NPAS3: variants seen among roughly 807,000 people sequenced by gnomAD.
The protein encoded by NPAS3 is neuronal PAS domain-containing protein 3.
Under a neutral mutation model 73.1 loss-of-function variants are expected in NPAS3, and 14 were observed. The observed-to-expected ratio is 0.19, with a 90% CI of 0.13 to 0.30. NPAS3 has a LOEUF of 0.30. Ranked by LOEUF, NPAS3 falls within the 10% of genes least tolerant of loss-of-function variation. The probability of loss-of-function intolerance (pLI) is 1.00; values close to 1 mark genes in which losing one functional copy is unlikely to be tolerated. For missense variants in NPAS3, 1,096 were observed against 1,250.0 expected (o/e 0.88, Z 1.86); for synonymous variants, 620 against 541.5 (o/e 1.14, Z -2.01).
intron 5 of NPAS3, among the ~76,000 whole-genome samples, chr14:33,642,325 T>C (rs530615587): frequency 9.8e-5 from 15 of 152,306 alleles, no homozygotes; most frequent in African/African-American, 3.1e-4. Context: ...AGTTTATTGA[T>C]TGTTTTAAGC....
At chr14:33,612,369 C>T (rs918397140) in intron 5 of NPAS3, 7 of 454,924 alleles carry the variant, frequency 1.5e-5, no homozygotes, top group Admixed American at 4.7e-5. Flanking sequence ...TGCTTCCCCA[C>T]GCCCTGAAAC....
chr14:33,531,427 C>G (rs564342271), intron 4 of NPAS3, among the ~76,000 whole-genome samples: 1 of 152,002 alleles, frequency 6.6e-6, no homozygotes, highest in South Asian at 2.1e-4. Flanking sequence ...TTTATGAGAA[C>G]GTCATATAAA....
chr14:33,383,240 G>C (rs1312382079), intron 4 of NPAS3, among the ~76,000 whole-genome samples: 1 of 151,996 alleles, frequency 6.6e-6, no homozygotes, highest in Non-Finnish European at 1.5e-5. Flanking sequence ...GTCATGTCTT[G>C]TTCATCTTCG....
At chr14:33,700,966 A>G (rs2060509392) in intron 6 of NPAS3, among the ~76,000 whole-genome samples, 1 of 152,236 alleles carries the variant, frequency 6.6e-6, no homozygotes, top group Non-Finnish European at 1.5e-5. Context: ...ACAAATGAAT[A>G]CAATTACATT....
At chr14:33,495,646 T>A (rs2052143471) in intron 4 of NPAS3, among the ~76,000 whole-genome samples, 1 of 152,126 alleles carries the variant, frequency 6.6e-6, no homozygotes, top group Non-Finnish European at 1.5e-5. Flanking sequence ...GCTTTATGAA[T>A]CTGGGTACTA....
Position 32,973,623 on chromosome 14 carries a change from C to G in NPAS3, c.50+34257C>G, listed in dbSNP as rs572686437. The stretch of plus-strand genomic sequence containing the variant: ...CTATCTTGGCTCACTGCAACCTCCC[C>G]TTCCCGAGTTCAAACAGTTCTCCAG... On this transcript the variant is annotated intron_variant, in intron 1 of 11. Coordinates refer to ENST00000356141, the Ensembl canonical transcript of NPAS3. 4.0e-5 allele frequency among the ~76,000 whole-genome samples: 6 copies of G among 151,530 alleles called. No individual in the cohort carries two copies. The South Asian group carries it at 8.3e-4, about 21-fold the overall frequency.
Position 33,247,896 on chromosome 14 carries a change from C to T in NPAS3, c.385+32470C>T, listed in dbSNP as rs59626554. ...CTTTGCTCTCAGATTCATTATAGACCTGGAAAGACAAGCACCCCAAACCCA... is the reference window on the plus strand; with the variant it reads ...CTTTGCTCTCAGATTCATTATAGACTTGGAAAGACAAGCACCCCAAACCCA... On this transcript the variant is annotated intron_variant, in intron 3 of 11. Coordinates refer to ENST00000356141, the Ensembl canonical transcript of NPAS3. Among the ~76,000 whole-genome samples, 591 of 152,222 alleles carry T rather than the reference C, an allele frequency of 3.9e-3. 3 individuals are homozygous for T. The highest frequency in any genetic ancestry group is 0.014 in the African/African-American group (565 of 41,528).
At chr14:33,509,004 T>C (rs1309222884) in intron 4 of NPAS3, among the ~76,000 whole-genome samples, 2 of 151,848 alleles carry the variant, frequency 1.3e-5, no homozygotes, top group Non-Finnish European at 2.9e-5. Context: ...TGTTTGTCCT[T>C]CTCAAGAAAG....
chr14:33,036,426 G>A (rs929150607), intron 1 of NPAS3, among the ~76,000 whole-genome samples: 1 of 152,128 alleles, frequency 6.6e-6, no homozygotes, highest in African/African-American at 2.4e-5. Flanking sequence ...GGTTGCTACT[G>A]TAAAGGCCTT....
At chr14:33,543,997 A>ATC (rs1468104294) in intron 4 of NPAS3, among the ~76,000 whole-genome samples, 10 of 61,872 alleles carry the variant, frequency 1.6e-4, no homozygotes, top group African/African-American at 5.7e-4. Flanking sequence ...ATATATATAT[A>ATC]TATATCTATA....
intron 4 of NPAS3, among the ~76,000 whole-genome samples, chr14:33,559,803 G>T (rs542253562): frequency 9.9e-5 from 15 of 152,182 alleles, no homozygotes; most frequent in Non-Finnish European, 2.1e-4. Context: ...TGGATCACCT[G>T]AGGTCAGGAG....
At chr14:33,674,371 CCATG>C (rs1434238755) in intron 5 of NPAS3, among the ~76,000 whole-genome samples, 1 of 152,192 alleles carries the variant, frequency 6.6e-6, no homozygotes, top group Admixed American at 6.5e-5. Context: ...CAATTGGACT[CCATG>C]CAAAACGAGA....
At chr14:32,977,734 T>C (rs2037746564) in intron 1 of NPAS3, among the ~76,000 whole-genome samples, 1 of 152,160 alleles carries the variant, frequency 6.6e-6, no homozygotes. Context: ...TGTCTCTAAG[T>C]AAATAAATAA....
intron 6 of NPAS3, among the ~76,000 whole-genome samples, chr14:33,716,709 C>T (rs938359922): frequency 2.6e-5 from 4 of 151,980 alleles, no homozygotes; most frequent in Admixed American, 2.6e-4. Flanking sequence ...GTCATATAAG[C>T]GAATTCTCAT....
At chr14:33,107,171 T>A (rs981175819) in intron 2 of NPAS3, among the ~76,000 whole-genome samples, 11 of 152,182 alleles carry the variant, frequency 7.2e-5, no homozygotes, top group African/African-American at 2.7e-4. Context: ...TTTCTTGGTA[T>A]CACAGGGCTA....
chr14:32,971,712 G>C (rs2037431857), intron 1 of NPAS3, among the ~76,000 whole-genome samples: 1 of 151,966 alleles, frequency 6.6e-6, no homozygotes, highest in South Asian at 2.1e-4. Flanking sequence ...TCCATATATA[G>C]TATACTTTTC....
chr14:33,323,948 A>G (rs182918321), intron 3 of NPAS3, among the ~76,000 whole-genome samples: 1 of 152,212 alleles, frequency 6.6e-6, no homozygotes, highest in South Asian at 2.1e-4. Context: ...TGTAATTAAA[A>G]CATCATTTAT....
chr14:33,418,862 T>G (rs1426869245), intron 4 of NPAS3, among the ~76,000 whole-genome samples: 2 of 151,940 alleles, frequency 1.3e-5, no homozygotes, highest in Non-Finnish European at 1.5e-5. Context: ...GCAAATCAGT[T>G]ATTTTAGCAT....
chr14:33,421,223 ATTG>A (rs373419981), intron 4 of NPAS3, among the ~76,000 whole-genome samples: 264 of 149,876 alleles, frequency 1.8e-3, no homozygotes, highest in African/African-American at 6.2e-3. Context: ...GTGACTTATC[ATTG>A]TTGTCTTTTC....
Sources: allele counts gnomAD v4.1 joint callset (sites outside exome capture counted in the v4.1 genomes callset), GRCh38; gene constraint gnomAD v4.1.1; transcripts MANE v1.5; gene names NCBI Gene and HGNC (gene_info 2026-07-23, HGNC 2026-07-21).